FBN2: variants seen among roughly 807,000 people sequenced by gnomAD.
FBN2 encodes fibrillin-2.
A neutral mutation model predicts 355.6 loss-of-function variants in FBN2; 105 were observed. The ratio of observed to expected loss-of-function variants is 0.30; its 90% CI spans 0.25 to 0.35. The LOEUF is 0.35. FBN2 is among the 10% of genes least tolerant of loss of function. The probability of loss-of-function intolerance (pLI) is 1.00; values close to 1 mark genes in which losing one functional copy is unlikely to be tolerated. For synonymous variants in FBN2, 1,350 were observed against 1,301.2 expected (o/e 1.04, Z -0.81); for missense variants, 3,280 against 3,758.7 (o/e 0.87, Z 3.33).
At chr5:128,392,464 G>C (rs1752541670) in intron 10 of FBN2, among the ~76,000 whole-genome samples, 1 of 152,212 alleles carries the variant, frequency 6.6e-6, no homozygotes, top group Non-Finnish European at 1.5e-5. Context: ...TGAATATTCA[G>C]ATATAGTAAA....
At chr5:128,368,798 G>T (rs1433723395) in intron 16 of FBN2, among the ~76,000 whole-genome samples, 1 of 151,506 alleles carries the variant, frequency 6.6e-6, no homozygotes, top group Non-Finnish European at 1.5e-5. Context: ...AGCCCCCCTA[G>T]TAGCTGGGAC....
At chr5:128,304,829 C>T (rs1749822142) in intron 45 of FBN2, 128 bp downstream of exon 45, 1 of 1,156,872 alleles carries the variant, frequency 8.6e-7, no homozygotes, top group East Asian at 2.3e-5. Context: ...AATAGTTTGA[C>T]CTAGTTAATT....
At chr5:128,438,500 T>C (rs1328173231) in intron 7 of FBN2, among the ~76,000 whole-genome samples, 2 of 152,214 alleles carry the variant, frequency 1.3e-5, no homozygotes, top group Non-Finnish European at 2.9e-5. Context: ...TAAACTTTTA[T>C]TGATTTATAA....
At chr5:128,512,445 G>A (rs1422394852) in intron 5 of FBN2, among the ~76,000 whole-genome samples, 1 of 149,222 alleles carries the variant, frequency 6.7e-6, no homozygotes, top group African/African-American at 2.5e-5. Context: ...CCGGGGAGGC[G>A]GAGATTGCAG....
chr5:128,430,413 C>T (rs1265458010), intron 7 of FBN2, among the ~76,000 whole-genome samples: 1 of 152,098 alleles, frequency 6.6e-6, no homozygotes, highest in African/African-American at 2.4e-5. Context: ...TTATGTTTTA[C>T]ATTCATATTT....
intron 31 of FBN2, 52 bp downstream of exon 31, chr5:128,334,667 G>A: frequency 6.2e-7 from 1 of 1,602,540 alleles, no homozygotes. Flanking sequence ...TTGAAAGTTG[G>A]CCTTTGACAT....
At chr5:128,395,645 G>A (rs1752631032) in intron 8 of FBN2, among the ~76,000 whole-genome samples, 1 of 152,226 alleles carries the variant, frequency 6.6e-6, no homozygotes, top group African/African-American at 2.4e-5. Context: ...TTGATCAGAT[G>A]CAACCTGAAA....
intron 27 of FBN2, among the ~76,000 whole-genome samples, chr5:128,337,522 C>A (rs995104962): frequency 6.6e-6 from 1 of 152,314 alleles, no homozygotes; most frequent in South Asian, 2.1e-4. Flanking sequence ...TTCTGGCAGC[C>A]CTACAGAGCT....
intron 6 of FBN2, among the ~76,000 whole-genome samples, chr5:128,458,974 C>T (rs1005406514): frequency 6.7e-6 from 1 of 150,082 alleles, no homozygotes; most frequent in African/African-American, 2.5e-5. Flanking sequence ...GAGTTAGAGA[C>T]AAGAAAAACT....
chr5:128,363,213 T>C (rs1478287457), intron 18 of FBN2, among the ~76,000 whole-genome samples: 1 of 151,992 alleles, frequency 6.6e-6, no homozygotes, highest in Admixed American at 6.6e-5. Context: ...TTTTCTGAGA[T>C]GGAGTCTCGG....
chr5:128,274,198 C>T (rs952853697), intron 60 of FBN2, among the ~76,000 whole-genome samples: 1 of 152,170 alleles, frequency 6.6e-6, no homozygotes, highest in Non-Finnish European at 1.5e-5. Context: ...TGAAGGCACA[C>T]TGACTAAAGT....
intron 5 of FBN2, among the ~76,000 whole-genome samples, chr5:128,489,325 A>T (rs1755438729): frequency 6.6e-6 from 1 of 152,224 alleles, no homozygotes. Context: ...CTAACCATTA[A>T]GAAGTATCTG....
chr5:128,458,327 T>C (rs1156448972), intron 6 of FBN2, among the ~76,000 whole-genome samples: 1 of 151,948 alleles, frequency 6.6e-6, no homozygotes, highest in Non-Finnish European at 1.5e-5. Flanking sequence ...TAGAGGCCTA[T>C]AAAGAGACTT....
intron 4 of FBN2, among the ~76,000 whole-genome samples, chr5:128,524,910 C>T (rs2112794744): frequency 6.6e-6 from 1 of 152,246 alleles, no homozygotes; most frequent in South Asian, 2.1e-4. Context: ...AGTGATGTTG[C>T]CTTTCCTCTG....
At chr5:128,293,478 C>T (rs1034677111) in intron 48 of FBN2, among the ~76,000 whole-genome samples, 22 of 151,270 alleles carry the variant, frequency 1.5e-4, no homozygotes, top group African/African-American at 2.7e-4. Context: ...AGTGACAGAG[C>T]GAGACTCCGT....
chr5:128,363,403 T>A (rs1308091359), intron 18 of FBN2, among the ~76,000 whole-genome samples: 1 of 152,170 alleles, frequency 6.6e-6, no homozygotes, highest in African/African-American at 2.4e-5. Context: ...TTGGCCAGGC[T>A]GGTCTCAAAC....
chr5:128,500,430 C>CTTTT lies in FBN2; in HGVS notation c.628+18839_628+18842dup, dbSNP rs149068555. On this transcript the variant is annotated intron_variant, in intron 5 of 64. Transcript: ENST00000262464. Reference sequence around the variant, plus strand: ...TGAAAATGATGAGACTCTGACAATTCTTTTTTTTTTTTTTTTTTTTTTTTT... The same window carrying CTTTT: ...TGAAAATGATGAGACTCTGACAATTCTTTTTTTTTTTTTTTTTTTTTTTTTTTTT... Among the ~76,000 whole-genome samples the CTTTT allele has an allele frequency of 3.5e-3, 181 of 51,176 alleles. 32 individuals carry two copies. The highest frequency in any genetic ancestry group is 0.017 in the African/African-American group (161 of 9,570). 33.6% of individuals were successfully genotyped at this position (51,176 alleles called of 152,430 possible). A position where few individuals can be genotyped will look rare whatever the true frequency, so the allele number is the denominator to read the frequency against.
At chr5:128,384,749 T>G (rs1752321944) in intron 11 of FBN2, among the ~76,000 whole-genome samples, 1 of 152,030 alleles carries the variant, frequency 6.6e-6, no homozygotes, top group East Asian at 1.9e-4. Context: ...GGACCAAAAA[T>G]CTACTTGGGA....
chr5:128,269,753 T>A (rs1765217926), intron 62 of FBN2, among the ~76,000 whole-genome samples: 1 of 152,160 alleles, frequency 6.6e-6, no homozygotes. Flanking sequence ...GGAAAAACAT[T>A]CCATCCTCAT....
Sources: allele counts gnomAD v4.1 joint callset (sites outside exome capture counted in the v4.1 genomes callset), GRCh38; gene constraint gnomAD v4.1.1; transcripts MANE v1.5; gene names NCBI Gene and HGNC (gene_info 2026-07-23, HGNC 2026-07-21).